The following TACO1 variants were observed in gnomAD, a reference collection of about 807,000 sequenced individuals.
TACO1 encodes the protein translational activator of cytochrome c oxidase 1.
In TACO1, 13 loss-of-function variants were observed where a neutral mutation model predicts 24.0. The observed-to-expected ratio is 0.54, with a 90% CI of 0.35 to 0.86. TACO1 has a LOEUF of 0.86. Ranked by LOEUF, TACO1 falls within the 40% of genes least tolerant of loss-of-function variation. The probability of loss-of-function intolerance (pLI) is 0.01; values close to 1 mark genes in which losing one functional copy is unlikely to be tolerated. For missense variants in TACO1, 352 were observed against 380.1 expected (o/e 0.93, Z 0.61); for synonymous variants, 149 against 153.5 (o/e 0.97, Z 0.22).
At chr17:63,607,176 T>TG (rs1480544585) in intron 3 of TACO1, 111 bp from the exon 4 acceptor site, 2 of 989,338 alleles carry the variant, frequency 2.0e-6, no homozygotes, top group Non-Finnish European at 3.1e-6. Context: ...TCCATGTCTG[T>TG]GTGTACTTCA....
chr17:63,602,790 A>C (rs547076099), intron 1 of TACO1, among the ~76,000 whole-genome samples: 12 of 151,944 alleles, frequency 7.9e-5, no homozygotes, highest in African/African-American at 2.9e-4. Flanking sequence ...TCCACCTCCC[A>C]AAGTGCTGGG....
At position 63,608,070 on chromosome 17, in the gene TACO1, G is replaced by A; in HGVS notation, c.*68G>A. ...AGCCCATTCCAGCACACAGGCTTCT[G>A]CAGCAATCTCTGAGGGTAAAGCCGG... On this transcript the variant is annotated 3_prime_UTR_variant, in exon 5 of 5. Coordinates refer to ENST00000258975, the MANE Select transcript of TACO1 (RefSeq NM_016360.4). 3 of 1,562,062 alleles carry A rather than the reference G, an allele frequency of 1.9e-6. No individual in the cohort carries two copies. Among genetic ancestry groups the A allele is most frequent in the Non-Finnish European group, 2.6e-6 (3 of 1,140,278 alleles).
Position 63,600,932 on chromosome 17 carries a change from C to T in TACO1, c.-152C>T. On this transcript the variant is annotated 5_prime_UTR_variant, in exon 1 of 5. Transcript: ENST00000258975. Reference sequence around the variant, plus strand: ...CGCGGGGACAGTGTAGGGTCATTAGCTGTTGAGCCGCCCCGGGCGGGCCCA... The same window carrying T: ...CGCGGGGACAGTGTAGGGTCATTAGTTGTTGAGCCGCCCCGGGCGGGCCCA... 4.9e-6 allele frequency: 4 copies of T among 824,700 alleles called. No homozygotes were observed. Among genetic ancestry groups the T allele is most frequent in the East Asian group, 2.7e-5 (1 of 36,842 alleles). 51.1% of individuals were successfully genotyped at this position (824,700 alleles called of 1,614,324 possible).
In TACO1 at chr17:63,601,145, G is replaced by A. The variant is rs2033816981; in HGVS notation, c.62G>A (p.Gly21Asp). Residue 21 changes from glycine to aspartate, a missense_variant, in exon 1 of 5, where the codon GGC becomes GAC. Coordinates refer to ENST00000258975, the MANE Select transcript of TACO1 (RefSeq NM_016360.4). ...RAAARCLLAR[G>D]PGVRAAPPRD... ...GCTGCCCGATGCTTGCTGGCACGAGGCCCCGGGGTCAGGGCGGCTCCTCCG... is the reference window on the plus strand; with the variant it reads ...GCTGCCCGATGCTTGCTGGCACGAGACCCCGGGGTCAGGGCGGCTCCTCCG... The A allele has an allele frequency of 5.2e-6, 8 of 1,543,650 alleles. No individual in the cohort carries two copies. The highest frequency in any genetic ancestry group is 7.0e-6 in the Non-Finnish European group (8 of 1,145,284).
chr17:63,602,014 CA>C (rs1371965562), intron 1 of TACO1, among the ~76,000 whole-genome samples: 4 of 145,872 alleles, frequency 2.7e-5, no homozygotes, highest in Non-Finnish European at 5.9e-5. Context: ...AGGCCAGAGG[CA>C]GGCAGATCAC....
chr17:63,606,637 C>G (rs2033864564), intron 3 of TACO1, 197 bp downstream of exon 3: 2 of 629,038 alleles, frequency 3.2e-6, no homozygotes, highest in South Asian at 3.7e-5. Flanking sequence ...CCTCTGCTTT[C>G]TGGGTTCAAG....
Position 63,607,414 on chromosome 17 carries a change from G to A in TACO1, c.643G>A (p.Ala215Thr). The A allele has an allele frequency of 3.1e-6, 5 of 1,614,234 alleles. No homozygotes were observed. Among genetic ancestry groups the A allele is most frequent in the Non-Finnish European group, 4.2e-6 (5 of 1,180,048 alleles). ...RALEMAIEAG[A>T]EDVKETEDEE... is the part of the protein sequence containing the mutation. ...CCTGGAGATGGCAATCGAAGCAGGA[G>A]CTGAGGATGTCAAGGAAACTGAAGA... Residue 215 changes from alanine (A) to threonine (T), a missense_variant, in exon 4 of 5, where the codon GCT becomes ACT. By Grantham distance (58) the Ala-to-Thr change is moderately conservative. Coordinates refer to ENST00000258975, the MANE Select transcript of TACO1 (RefSeq NM_016360.4).
intron 1 of TACO1, among the ~76,000 whole-genome samples, chr17:63,603,933 C>T (rs778878730): frequency 1.3e-5 from 2 of 151,440 alleles, no homozygotes; most frequent in Non-Finnish European, 2.9e-5. Flanking sequence ...GCAGGAGGAT[C>T]GCTTGAACCC....
At chr17:63,602,095 A>C (rs1022050472) in intron 1 of TACO1, among the ~76,000 whole-genome samples, 7 of 149,800 alleles carry the variant, frequency 4.7e-5, no homozygotes, top group Non-Finnish European at 1.0e-4. Context: ...AATAACAAAA[A>C]AAAAAAAAAA....
rs561861880 is a variant in TACO1, at chr17:63,607,019, G to A, written c.516-268G>A. ...CCTAAGTCTTAAAATGCTCCACCAGGACTGGCATCTTAATGGCACAGGAAA... is the reference window on the plus strand; with the variant it reads ...CCTAAGTCTTAAAATGCTCCACCAGAACTGGCATCTTAATGGCACAGGAAA... On this transcript the variant is annotated intron_variant, in intron 3 of 4. Transcript: ENST00000258975. 1.1e-4 allele frequency: 61 copies of A among 538,676 alleles called. 2 individuals carry two copies. The South Asian group carries it at 1.2e-3, about 11-fold the overall frequency. The allele number at this position is 538,676 out of a possible 1,614,324, so 33.4% of individuals were successfully genotyped here.
chr17:63,606,211 G>A, intron 2 of TACO1, 102 bp from the exon 3 acceptor site: 5 of 1,450,786 alleles, frequency 3.4e-6, no homozygotes, highest in Non-Finnish European at 4.8e-6. Context: ...CCAGCCTAGA[G>A]AGCCCATCCC....
In TACO1 at chr17:63,603,395, T is replaced by C. The variant is rs1164334196; in HGVS notation, c.281-1139T>C. The stretch of plus-strand genomic sequence containing the variant: ...CTGAAACCTAGCAGAATGAAAACCA[T>C]CCCTAAAGACAATGAATTAGAAAGT... On this transcript the variant is annotated intron_variant, in intron 1 of 4. Coordinates refer to ENST00000258975, the MANE Select transcript of TACO1 (RefSeq NM_016360.4). Among the ~76,000 whole-genome samples, 5 of 151,980 alleles carry C rather than the reference T, an allele frequency of 3.3e-5. No individual in the cohort carries two copies. In the South Asian group the frequency reaches 6.2e-4, roughly 19 times the overall value.
intron 1 of TACO1, 111 bp from the exon 2 acceptor site, chr17:63,604,423 T>G: frequency 1.2e-6 from 1 of 856,544 alleles, no homozygotes; most frequent in South Asian, 1.3e-5. Flanking sequence ...GAGAGCTAAA[T>G]GGTGATTTGC....
chr17:63,603,006 C>A (rs140961182), intron 1 of TACO1, among the ~76,000 whole-genome samples: 2 of 152,108 alleles, frequency 1.3e-5, no homozygotes, highest in African/African-American at 4.8e-5. Context: ...GAGGCTGAGG[C>A]CGGCGGATCA....
At chr17:63,607,246 A>G (rs779404486) in intron 3 of TACO1, 41 bp from the exon 4 acceptor site, 1 of 1,577,334 alleles carries the variant, frequency 6.3e-7, no homozygotes, top group Admixed American at 1.7e-5. Context: ...CTGAGCTTCT[A>G]GAGGCATCCA....
chr17:63,604,569 G>C lies in TACO1; in HGVS notation c.316G>C (p.Ala106Pro). 1 of 1,613,998 alleles carries C rather than the reference G, an allele frequency of 6.2e-7. No individual in the cohort carries two copies. The highest frequency in any genetic ancestry group is 8.5e-7 in the Non-Finnish European group (1 of 1,180,002). ...CAACCCTGAGCACAACAGCAACCTG[G>C]CCAATATCTTAGAGGTGTGTCGCAG... The part of the protein sequence containing the change: ...GPNPEHNSNL[A>P]NILEVCRSKH... The change falls in exon 2 of 5, where the codon GCC (alanine) becomes CCC (proline). Residue 106 changes from alanine (A) to proline (P), a missense_variant. By Grantham distance (27) the Ala-to-Pro change is conservative. Transcript: ENST00000258975.
chr17:63,602,090 C>CAAAAAAAA (rs11288092), intron 1 of TACO1, among the ~76,000 whole-genome samples: 10 of 84,216 alleles, frequency 1.2e-4, no homozygotes, highest in Non-Finnish European at 1.5e-4. Flanking sequence ...CTAAAAATAA[C>CAAAAAAAA]AAAAAAAAAA....
chr17:63,607,140 A>G (rs2033868495), intron 3 of TACO1, 147 bp from the exon 4 acceptor site: 3 of 782,492 alleles, frequency 3.8e-6, no homozygotes, highest in Admixed American at 2.0e-5. Context: ...CAGCAGCTGC[A>G]TTTTCTCCTT....
chr17:63,604,447 T>C, intron 1 of TACO1, 87 bp from the exon 2 acceptor site: 1 of 1,159,304 alleles, frequency 8.6e-7, no homozygotes, highest in African/African-American at 1.5e-5. Context: ...TCCTTTGGCT[T>C]GGTGGGGCTG....
Sources: allele counts gnomAD v4.1 joint callset (sites outside exome capture counted in the v4.1 genomes callset), GRCh38; gene constraint gnomAD v4.1.1; transcripts MANE v1.5; gene names NCBI Gene and HGNC (gene_info 2026-07-23, HGNC 2026-07-21).